The following TENM3 variants were observed in gnomAD, a reference collection of about 807,000 sequenced individuals.
The protein encoded by TENM3 is teneurin transmembrane protein 3.
A neutral mutation model predicts 255.1 loss-of-function variants in TENM3; 63 were observed. That is an observed-to-expected ratio of 0.25 (90% CI 0.20 to 0.30). The LOEUF (loss-of-function observed/expected upper bound fraction) is 0.30, where lower values mean the gene tolerates loss of function less well. Ranked by LOEUF, TENM3 falls within the 10% of genes least tolerant of loss-of-function variation. TENM3 has a pLI of 1.00. For missense variants in TENM3, 2,929 were observed against 3,461.1 expected, an observed-to-expected ratio of 0.85 and a Z score of 3.86; for synonymous variants, 1,306 against 1,322.3, an observed-to-expected ratio of 0.99 and a Z score of 0.27.
At chr4:182,775,464 G>C (rs1309199728) in intron 24 of TENM3, among the ~76,000 whole-genome samples, 1 of 152,176 alleles carries the variant, frequency 6.6e-6, no homozygotes, top group African/African-American at 2.4e-5. Context: ...CTTTCACAGA[G>C]CTATGGTCCA....
At chr4:182,064,441 G>A in the TENM3 span, among the ~76,000 whole-genome samples, 3 of 152,102 alleles carry the variant, frequency 2.0e-5, no homozygotes, top group Non-Finnish European at 4.4e-5. Flanking sequence ...AGCCGGGCGT[G>A]GTGGCGGGCG....
chr4:182,387,901 CACAATAGG>C (rs1376763556), intron 3 of TENM3, among the ~76,000 whole-genome samples: 2 of 143,340 alleles, frequency 1.4e-5, no homozygotes, highest in East Asian at 4.1e-4. Flanking sequence ...CAATTCCGGA[CACAATAGG>C]ACTCTGGTTT....
At chr4:182,479,355 T>A (rs1158160946) in intron 3 of TENM3, among the ~76,000 whole-genome samples, 1 of 151,848 alleles carries the variant, frequency 6.6e-6, no homozygotes, top group Non-Finnish European at 1.5e-5. Flanking sequence ...CTTACCTTTT[T>A]ATTTATTTTA....
intron 1 of TENM3, among the ~76,000 whole-genome samples, chr4:182,243,946 C>CTTTTTTTTTTTTTT (rs967487689): frequency 4.1e-5 from 3 of 72,912 alleles, no homozygotes; most frequent in African/African-American, 5.7e-5. Context: ...TTTGTGTTTT[C>CTTTTTTTTTTTTTT]TTTTTTTTTT....
At chr4:182,359,728 G>T (rs576989134) in intron 3 of TENM3, among the ~76,000 whole-genome samples, 2 of 151,384 alleles carry the variant, frequency 1.3e-5, no homozygotes, top group South Asian at 4.2e-4. Context: ...CTTCAGTTCT[G>T]CTCTGATTTT....
At chr4:181,901,130 A>G in the TENM3 span, among the ~76,000 whole-genome samples, 34 of 152,162 alleles carry the variant, frequency 2.2e-4, no homozygotes, top group South Asian at 2.1e-4. Context: ...CCCTTCTATA[A>G]CTAAGAAACT....
chr4:181,503,190 C>A, the TENM3 span, among the ~76,000 whole-genome samples: 5 of 151,962 alleles, frequency 3.3e-5, no homozygotes, highest in Admixed American at 2.6e-4. Context: ...CATAGCAAGA[C>A]CCCCATCTCT....
At chr4:182,130,175 A>T in the TENM3 span, among the ~76,000 whole-genome samples, 51 of 152,146 alleles carry the variant, frequency 3.4e-4, no homozygotes, top group Non-Finnish European at 5.1e-4. Flanking sequence ...TTAAATCTAG[A>T]TTTTTATATT....
intron 3 of TENM3, among the ~76,000 whole-genome samples, chr4:182,548,416 A>G (rs1741665016): frequency 6.6e-6 from 1 of 152,112 alleles, no homozygotes; most frequent in African/African-American, 2.4e-5. Flanking sequence ...CATAGAACCC[A>G]GACTCTTAAC....
intron 1 of TENM3, among the ~76,000 whole-genome samples, chr4:182,237,286 A>G (rs962237358): frequency 2.6e-5 from 4 of 152,012 alleles, no homozygotes; most frequent in African/African-American, 7.3e-5. Context: ...TGTCTTTGCT[A>G]TTGTGAATAG....
At chr4:181,617,593 C>T in the TENM3 span, among the ~76,000 whole-genome samples, 2 of 152,154 alleles carry the variant, frequency 1.3e-5, no homozygotes, top group African/African-American at 4.8e-5. Context: ...GGGACTTTGT[C>T]TACCATGGTG....
At chr4:181,742,966 G>A in the TENM3 span, among the ~76,000 whole-genome samples, 1 of 150,988 alleles carries the variant, frequency 6.6e-6, no homozygotes, top group Non-Finnish European at 1.5e-5. Context: ...TGAGAATGAT[G>A]ATTTCCAATT....
chr4:181,485,660 G>A, the TENM3 span, among the ~76,000 whole-genome samples: 37 of 152,136 alleles, frequency 2.4e-4, no homozygotes, highest in Non-Finnish European at 3.1e-4. Context: ...CATCATTAAC[G>A]TATGAAATTG....
At chr4:181,607,862 T>C in the TENM3 span, among the ~76,000 whole-genome samples, 1 of 152,212 alleles carries the variant, frequency 6.6e-6, no homozygotes, top group Non-Finnish European at 1.5e-5. Flanking sequence ...CTTCATTTAT[T>C]AATACTTTCA....
chr4:181,915,911 G>A, the TENM3 span, among the ~76,000 whole-genome samples: 1 of 152,104 alleles, frequency 6.6e-6, no homozygotes, highest in Non-Finnish European at 1.5e-5. Context: ...AGCCACTGAG[G>A]CTTGAAGAAA....
In TENM3 at chr4:182,799,168, T is replaced by C. The variant is rs1766711220; in HGVS notation, c.7345-428T>C. Among the ~76,000 whole-genome samples, 1 of 152,128 alleles carries C rather than the reference T, an allele frequency of 6.6e-6. No individual in the cohort carries two copies. Among genetic ancestry groups the C allele is most frequent in the Non-Finnish European group, 1.5e-5 (1 of 68,018 alleles). On this transcript the variant is annotated intron_variant, in intron 27 of 27. Coordinates refer to ENST00000511685, the MANE Select transcript of TENM3 (RefSeq NM_001080477.4). The surrounding 1 kb of genome is among the most constrained non-coding windows in gnomAD (Gnocchi z 4.2). ...CGAAGCGGGGCCCTGTGATCGGCACTAAGTATCCCCAGCCGTTCAGATCCC... is the reference window on the plus strand; with the variant it reads ...CGAAGCGGGGCCCTGTGATCGGCACCAAGTATCCCCAGCCGTTCAGATCCC...
chr4:182,241,871 G>C (rs1280363311), upstream of TENM3, among the ~76,000 whole-genome samples: 1 of 151,772 alleles, frequency 6.6e-6, no homozygotes, highest in African/African-American at 2.4e-5. Context: ...TTTTAAAAAC[G>C]CTTCTCCACT....
chr4:182,511,492 T>A (rs542570811), intron 3 of TENM3, among the ~76,000 whole-genome samples: 5 of 152,314 alleles, frequency 3.3e-5, no homozygotes, highest in Non-Finnish European at 7.3e-5. Context: ...TGGATTTGTC[T>A]GCTTCAACTA....
intron 1 of TENM3, among the ~76,000 whole-genome samples, chr4:182,165,772 G>A (rs1751664163): frequency 6.6e-6 from 1 of 152,130 alleles, no homozygotes; most frequent in Admixed American, 6.5e-5. Flanking sequence ...CAGGGCAGGT[G>A]TAAAAGCAGT....
Sources: allele counts gnomAD v4.1 joint callset (sites outside exome capture counted in the v4.1 genomes callset), GRCh38; gene constraint gnomAD v4.1.1; non-coding constraint Gnocchi (gnomAD v3.1); transcripts MANE v1.5; gene names NCBI Gene and HGNC (gene_info 2026-07-23, HGNC 2026-07-21).